PANX3: variants seen among roughly 807,000 people sequenced by gnomAD.
PANX3 encodes the protein pannexin 3, also known as pannexin-3.
In PANX3, 18 loss-of-function variants were observed where a neutral mutation model predicts 31.5. The observed-to-expected ratio is 0.57, with a 90% CI of 0.39 to 0.85. The LOEUF (loss-of-function observed/expected upper bound fraction) is 0.85, where lower values mean the gene tolerates loss of function less well. PANX3 is among the 40% of genes least tolerant of loss of function. The pLI is 0.00. For missense variants in PANX3, 426 were observed against 485.4 expected, an observed-to-expected ratio of 0.88 and a Z score of 1.15; for synonymous variants, 194 against 201.6, an observed-to-expected ratio of 0.96 and a Z score of 0.32.
At chr11:124,612,223 G>A (rs968279283) in intron 1 of PANX3, among the ~76,000 whole-genome samples, 1 of 152,170 alleles carries the variant, frequency 6.6e-6, no homozygotes, top group African/African-American at 2.4e-5. Flanking sequence ...GCACATTGGA[G>A]ATGCTGCATA....
rs1863164286 is a variant in PANX3 at position 124,617,307 on chromosome 11, C to T, written c.358C>T (p.Leu120Phe). ...CTACTCCCTGCTGGCCCTGGCCTTG[C>T]TCATGTACCTGCCGGTGCTGCTGTG... is the stretch of plus-strand genomic sequence containing the variant. The part of the protein sequence containing the change: ...LPYSLLALAL[L>F]MYLPVLLWQY... Residue 120 changes from leucine to phenylalanine, a missense_variant, in exon 3 of 4, where the codon CTC becomes TTC. By Grantham distance (22) the Leu-to-Phe change is conservative. Coordinates refer to ENST00000284288, the MANE Select transcript of PANX3 (RefSeq NM_052959.3). 6.2e-7 allele frequency: 1 copy of T among 1,609,380 alleles called. No homozygotes were observed. Among genetic ancestry groups the T allele is most frequent in the East Asian group, 2.2e-5 (1 of 44,866 alleles).
At chr11:124,611,758 A>G (rs1204713867) in intron 1 of PANX3, 21 bp downstream of exon 1, 28 of 1,603,740 alleles carry the variant, frequency 1.7e-5, no homozygotes, top group Non-Finnish European at 2.3e-5. Context: ...TCCAAGACCC[A>G]GTGCGCAAGA....
In PANX3 at chr11:124,617,399, T is replaced by C. The variant is rs1185155535; in HGVS notation, c.450T>C (p.Ser150=). ...TCATCATCAGCGAACTGGACAAATC[T>C]TATAATCGCTCCATCCGCCTCGTGC... The part of the protein sequence containing the change: ...LLFIISELDK[S]YNRSIRLVQH... The change falls in exon 3 of 4, where the codon TCT becomes TCC. Residue 150 remains serine, a synonymous_variant. Transcript: ENST00000284288. 1 of 1,614,044 alleles carries C rather than the reference T, an allele frequency of 6.2e-7. No homozygotes were observed. Among genetic ancestry groups the C allele is most frequent in the African/African-American group, 1.3e-5 (1 of 74,950 alleles).
Position 124,613,161 on chromosome 11 carries a change from G to A in PANX3, c.324+39G>A, listed in dbSNP as rs552712727. 6 of 1,602,184 alleles carry A rather than the reference G, an allele frequency of 3.7e-6. No individual in the cohort carries two copies. The Admixed American group carries it at 6.7e-5, about 18-fold the overall frequency. On this transcript the variant is annotated intron_variant, in intron 2 of 3. Transcript: ENST00000284288. ...TCTGTAAGGCCAGCTTCACGGCTGA[G>A]TGGAGTGGTGCAGAACCCCTTCATT...
rs1230570921 is a variant in PANX3, at chr11:124,619,299, T to G, written c.543T>G (p.Ala181=). 2 of 1,610,750 alleles carry G rather than the reference T, an allele frequency of 1.2e-6. No individual in the cohort carries two copies. Among genetic ancestry groups the G allele is most frequent in the Non-Finnish European group, 1.7e-6 (2 of 1,178,728 alleles). ...PYVFWNELEK[A]RKERYFEFPL... is the part of the protein sequence containing the mutation. ...CCTCCTTCCTTCCACTGCCCAGGGC[T>G]CGGAAAGAACGATACTTTGAATTCC... Residue 181 remains alanine, a synonymous_variant, in exon 4 of 4, where the codon GCT becomes GCG. Coordinates refer to ENST00000284288, the MANE Select transcript of PANX3 (RefSeq NM_052959.3).
chr11:124,619,971 T>C lies in PANX3; in HGVS notation c.*36T>C, dbSNP rs200929704. On this transcript the variant is annotated 3_prime_UTR_variant, in exon 4 of 4. Transcript: ENST00000284288. ...ATGGAGCAAGAAAGCTTGTGGAAAG[T>C]CTCTCTCCTTCCTCATAAGACATGC... 7.3e-4 allele frequency: 1,132 copies of C among 1,551,018 alleles called. 1 individual carries two copies. The highest frequency in any genetic ancestry group is 9.2e-4 in the Non-Finnish European group (1,062 of 1,152,712).
intron 1 of PANX3, among the ~76,000 whole-genome samples, chr11:124,612,397 G>C (rs1433214594): frequency 6.6e-6 from 1 of 152,210 alleles, no homozygotes; most frequent in Non-Finnish European, 1.5e-5. Context: ...CTTTCTGGCA[G>C]TGCCATTAGC....
intron 2 of PANX3, 131 bp from the exon 3 acceptor site, chr11:124,617,143 G>C (rs1371532793): frequency 3.9e-6 from 3 of 772,248 alleles, no homozygotes; most frequent in African/African-American, 1.7e-5. Context: ...GCTGAGCCTG[G>C]GCTAGCCCAT....
rs1310638695 is a variant in PANX3, at chr11:124,611,658, G to A, written c.102G>A (p.Leu34=). ...AAGGACTGCGTCTGGAACTGCCCCTGGACCGGATAGTCAAGTTCGTAGCTG... is the reference window on the plus strand; with the variant it reads ...AAGGACTGCGTCTGGAACTGCCCCTAGACCGGATAGTCAAGTTCGTAGCTG... ...RLKGLRLELP[L]DRIVKFVAVG... The change falls in exon 1 of 4, where the codon CTG becomes CTA. Residue 34 remains leucine (L), a synonymous_variant. Coordinates refer to ENST00000284288, the MANE Select transcript of PANX3 (RefSeq NM_052959.3). 1 of 1,614,086 alleles carries A rather than the reference G, an allele frequency of 6.2e-7. No homozygotes were observed. Among genetic ancestry groups the A allele is most frequent in the Non-Finnish European group, 8.5e-7 (1 of 1,180,030 alleles).
At chr11:124,618,366 T>C (rs1329005552) in intron 3 of PANX3, among the ~76,000 whole-genome samples, 1 of 152,218 alleles carries the variant, frequency 6.6e-6, no homozygotes, top group Non-Finnish European at 1.5e-5. Context: ...AAGGCCACAC[T>C]GTTACCTCCC....
intron 1 of PANX3, among the ~76,000 whole-genome samples, chr11:124,612,737 A>G (rs552912206): frequency 7.2e-5 from 11 of 152,300 alleles, no homozygotes; most frequent in African/African-American, 2.6e-4. Flanking sequence ...GTGCTCTGAG[A>G]GCAAAGAACC....
Position 124,619,318 on chromosome 11 carries a change from G to A in PANX3, c.562G>A (p.Glu188Lys). 6.2e-7 allele frequency: 1 copy of A among 1,613,530 alleles called. No individual in the cohort carries two copies. The highest frequency in any genetic ancestry group is 8.5e-7 in the Non-Finnish European group (1 of 1,179,856). Reference protein sequence around the residue: ...LEKARKERYFEFPLLERYLAC... With the variant: ...LEKARKERYFKFPLLERYLAC... ...CAGGGCTCGGAAAGAACGATACTTT[G>A]AATTCCCTTTGCTAGAGCGGTACCT... Residue 188 changes from glutamate to lysine, a missense_variant, in exon 4 of 4, where the codon GAA (glutamate) becomes AAA (lysine). Glu to Lys is a moderately conservative substitution (Grantham distance 56, BLOSUM62 1). Transcript: ENST00000284288.
At chr11:124,619,143 G>C (rs891205791) in intron 3 of PANX3, among the ~76,000 whole-genome samples, 153 bp from the exon 4 acceptor site, 5 of 152,148 alleles carry the variant, frequency 3.3e-5, no homozygotes, top group African/African-American at 7.2e-5. Flanking sequence ...CCTCAGTTTG[G>C]GGGAGAAGCA....
intron 2 of PANX3, among the ~76,000 whole-genome samples, chr11:124,614,926 C>T (rs1333616297): frequency 6.6e-6 from 1 of 151,888 alleles, no homozygotes; most frequent in Non-Finnish European, 1.5e-5. Context: ...CCGCCCACCT[C>T]GACCTCCCAA....
chr11:124,618,652 G>T (rs1281345459), intron 3 of PANX3, among the ~76,000 whole-genome samples: 1 of 151,984 alleles, frequency 6.6e-6, no homozygotes, highest in Admixed American at 6.6e-5. Context: ...TTTTGGAGTG[G>T]GGGGGTGGGG....
intron 2 of PANX3, among the ~76,000 whole-genome samples, chr11:124,614,188 A>G (rs927933075): frequency 2.6e-5 from 4 of 151,514 alleles, no homozygotes; most frequent in African/African-American, 4.8e-5. Context: ...AAAAAAAAAA[A>G]AAAGAAAAAT....
Position 124,611,445 on chromosome 11 carries a change from TG to T in PANX3, c.-108del. 1.1e-6 allele frequency: 1 copy of T among 949,728 alleles called. No homozygotes were observed. Among genetic ancestry groups the T allele is most frequent in the East Asian group, 2.7e-5 (1 of 37,698 alleles). The allele number at this position is 949,728 out of a possible 1,614,324, so 58.8% of individuals were successfully genotyped here. ...CTCCCAGCAGAGATATCCATAAGGC[TG>T]GGGTGGCAGGCACTGTCTGCCCAAA... On this transcript the variant is annotated 5_prime_UTR_variant, in exon 1 of 4. Transcript: ENST00000284288.
rs1863198978 is a variant in PANX3, at chr11:124,620,013, A to T, written c.*78A>T. 6.9e-7 allele frequency: 1 copy of T among 1,439,464 alleles called. No individual in the cohort carries two copies. Among genetic ancestry groups the T allele is most frequent in the Non-Finnish European group, 9.3e-7 (1 of 1,069,658 alleles). The allele number at this position is 1,439,464 out of a possible 1,614,324, so 89.2% of individuals were successfully genotyped here. On this transcript the variant is annotated 3_prime_UTR_variant, in exon 4 of 4. Coordinates refer to ENST00000284288, the MANE Select transcript of PANX3 (RefSeq NM_052959.3). ...AAGACATGCACACTAATACACATACACACCAAAAAATTACACATTTTAAAA... is the reference window on the plus strand; with the variant it reads ...AAGACATGCACACTAATACACATACTCACCAAAAAATTACACATTTTAAAA...
At chr11:124,613,551 A>G (rs1378661972) in intron 2 of PANX3, among the ~76,000 whole-genome samples, 2 of 152,150 alleles carry the variant, frequency 1.3e-5, no homozygotes, top group Non-Finnish European at 2.9e-5. Flanking sequence ...GAGTTCACTC[A>G]GCTGCTCCCC....
Sources: allele counts gnomAD v4.1 joint callset (sites outside exome capture counted in the v4.1 genomes callset), GRCh38; gene constraint gnomAD v4.1.1; transcripts MANE v1.5; gene names NCBI Gene and HGNC (gene_info 2026-07-23, HGNC 2026-07-21).